The following LAIR1 variants were observed in gnomAD, a reference collection of about 807,000 sequenced individuals.
The protein encoded by LAIR1 is leukocyte associated immunoglobulin like receptor 1, also known as leukocyte-associated immunoglobulin-like receptor 1.
A neutral mutation model predicts 32.8 loss-of-function variants in LAIR1; 24 were observed. The ratio of observed to expected loss-of-function variants is 0.73; its 90% CI spans 0.53 to 1.03. The LOEUF is 1.03. LAIR1 is among the 50% of genes least tolerant of loss of function. The pLI is 0.00. For synonymous variants in LAIR1, 150 were observed against 140.5 expected (o/e 1.07, Z -0.48); for missense variants, 355 against 347.5 (o/e 1.02, Z -0.17).
upstream of LAIR1, among the ~76,000 whole-genome samples, chr19:54,371,782 A>G (rs1288753731): frequency 6.6e-6 from 1 of 151,416 alleles, no homozygotes; most frequent in Non-Finnish European, 1.5e-5. Flanking sequence ...GCGTTTCTCC[A>G]TTTCCACTGG....
rs1350710708 is a variant in LAIR1 at position 54,353,091 on chromosome 19, G to C, written c.*2177C>G. The C allele has an allele frequency of 1.3e-5, 2 of 151,812 alleles. No homozygotes were observed. Among genetic ancestry groups the C allele is most frequent in the Non-Finnish European group, 2.9e-5 (2 of 68,132 alleles). 9.4% of individuals were successfully genotyped at this position (151,812 alleles called of 1,614,324 possible). On this transcript the variant is annotated 3_prime_UTR_variant, in exon 10 of 10. Coordinates refer to ENST00000391742, the MANE Select transcript of LAIR1 (RefSeq NM_002287.6). ...CAGGAGAATCGCTTGAACCCGGGAG[G>C]CAGAGGTTGCAGTGAGCCAAGATTG... is the stretch of plus-strand genomic sequence containing the variant.
chr19:54,364,460 A>G lies in LAIR1; in HGVS notation c.35-130T>C. ...AACGACCAAGCCAACCCTCCTCGACATCACTGTCTCCATGTAATCCTTCTT... is the reference window on the plus strand; with the variant it reads ...AACGACCAAGCCAACCCTCCTCGACGTCACTGTCTCCATGTAATCCTTCTT... On this transcript the variant is annotated intron_variant, in intron 1 of 9. Coordinates refer to ENST00000391742, the MANE Select transcript of LAIR1 (RefSeq NM_002287.6). This position sits in a 1 kb window ranked among gnomAD's most constrained non-coding sequence, Gnocchi z 4.8. 2 of 868,888 alleles carry G rather than the reference A, an allele frequency of 2.3e-6. No homozygotes were observed. The highest frequency in any genetic ancestry group is 1.4e-5 in the South Asian group (1 of 71,560). The allele number at this position is 868,888 out of a possible 1,614,324, so 53.8% of individuals were successfully genotyped here.
Position 54,355,840 on chromosome 19 carries a change from G to T in LAIR1, c.717+114C>A, listed in dbSNP as rs2081672037. 2 of 751,518 alleles carry T rather than the reference G, an allele frequency of 2.7e-6. No individual in the cohort carries two copies. The highest frequency in any genetic ancestry group is 2.0e-5 in the Admixed American group (1 of 51,182). 46.6% of individuals were successfully genotyped at this position (751,518 alleles called of 1,614,324 possible). The stretch of plus-strand genomic sequence containing the variant: ...ACCTCTCGACAGCAACCTCAGGACA[G>T]GCCGTGAGCCGGAACCGCCCAGCTG... On this transcript the variant is annotated intron_variant, in intron 9 of 9. Coordinates refer to ENST00000391742, the MANE Select transcript of LAIR1 (RefSeq NM_002287.6). This position sits in a 1 kb window ranked among gnomAD's most constrained non-coding sequence, Gnocchi z 4.7.
chr19:54,358,315 A>G (rs2081831195), intron 4 of LAIR1: 1 of 155,092 alleles, frequency 6.4e-6, no homozygotes, highest in African/African-American at 2.5e-5. Flanking sequence ...TATAATATAT[A>G]ATATACACTA....
chr19:54,364,589 C>G lies in LAIR1; in HGVS notation c.34+182G>C, dbSNP rs540457364. ...TGACCTCATCCCCACACCCGGGCCC[C>G]TGTTTTTAGGACAAGATCTTCTCTG... On this transcript the variant is annotated intron_variant, in intron 1 of 9. Transcript: ENST00000391742. The surrounding 1 kb of genome is among the most constrained non-coding windows in gnomAD (Gnocchi z 4.8). The G allele has an allele frequency of 7.3e-6, 6 of 816,862 alleles. No individual in the cohort carries two copies. Among genetic ancestry groups the G allele is most frequent in the East Asian group, 2.6e-5 (1 of 38,522 alleles). The allele number at this position is 816,862 out of a possible 1,614,324, so 50.6% of individuals were successfully genotyped here.
At position 54,355,245 on chromosome 19, in the gene LAIR1, G is replaced by A. The variant is rs374608831; in HGVS notation, c.*23C>T. On this transcript the variant is annotated 3_prime_UTR_variant, in exon 10 of 10. Transcript: ENST00000391742. The surrounding 1 kb of genome is among the most constrained non-coding windows in gnomAD (Gnocchi z 4.7). ...CTAGAGTGACTTTCTACCCTCAGGT[G>A]CAGAGGCCAGGTGGGTATGGGGTCA... 1 of 1,559,434 alleles carries A rather than the reference G, an allele frequency of 6.4e-7. No homozygotes were observed. Among genetic ancestry groups the A allele is most frequent in the Non-Finnish European group, 8.7e-7 (1 of 1,150,712 alleles).
chr19:54,357,604 G>GCCCGCCCGTCATCTC, intron 4 of LAIR1: 1 of 153,318 alleles, frequency 6.5e-6, no homozygotes, highest in South Asian at 2.1e-4. Context: ...CGCATTGCAG[G>GCCCGCCCGTCATCTC]CCCGCCCGTC....
intron 8 of LAIR1, 85 bp downstream of exon 8, chr19:54,356,145 T>TGG: frequency 7.1e-7 from 1 of 1,403,890 alleles, no homozygotes; most frequent in Non-Finnish European, 1.0e-6. Context: ...CAAAGATTCT[T>TGG]CCCCCCACCC....
At chr19:54,359,630 G>T (rs1295566447) in intron 4 of LAIR1, among the ~76,000 whole-genome samples, 1 of 152,278 alleles carries the variant, frequency 6.6e-6, no homozygotes, top group Non-Finnish European at 1.5e-5. Flanking sequence ...TGGAGCTCGG[G>T]CGAGCCCGGA....
At chr19:54,369,512 A>G (rs1383704451), upstream of LAIR1, among the ~76,000 whole-genome samples, 1 of 151,354 alleles carries the variant, frequency 6.6e-6, no homozygotes, top group Non-Finnish European at 1.5e-5. Flanking sequence ...CCATATTATG[A>G]GGACCCCTCC....
upstream of LAIR1, chr19:54,368,684 G>GAATTATTT (rs2082327129): frequency 6.6e-6 from 1 of 151,386 alleles, no homozygotes; most frequent in African/African-American, 2.4e-5. Context: ...TTTGTTGACT[G>GAATTATTT]ATTTATTTAT....
upstream of LAIR1, chr19:54,368,759 T>A (rs1233833900): frequency 3.3e-5 from 5 of 152,050 alleles, no homozygotes; most frequent in Admixed American, 6.6e-5. Context: ...GGCTGGAGTG[T>A]AATGGTGCAA....
upstream of LAIR1, among the ~76,000 whole-genome samples, chr19:54,371,071 A>G (rs1037384656): frequency 1.9e-4 from 28 of 151,236 alleles, no homozygotes; most frequent in Non-Finnish European, 4.0e-4. Context: ...AACATGTAAA[A>G]AAAAATCAAC....
At position 54,355,694 on chromosome 19, in the gene LAIR1, G is replaced by A. The variant is rs770673365; in HGVS notation, c.717+260C>T. 1.3e-5 allele frequency among the ~76,000 whole-genome samples: 2 copies of A among 152,160 alleles called. No homozygotes were observed. The highest frequency in any genetic ancestry group is 2.9e-5 in the Non-Finnish European group (2 of 68,016). ...GGATCCCTCCCTCTGGGGGAAGCCG[G>A]CTGTGTGGAGAGGCCCCTGTGAGAG... On this transcript the variant is annotated intron_variant, in intron 9 of 9. Transcript: ENST00000391742. This position sits in a 1 kb window ranked among gnomAD's most constrained non-coding sequence, Gnocchi z 4.7.
At chr19:54,360,741 A>G (rs3745445) in intron 3 of LAIR1, 175 bp downstream of exon 3, 267,634 of 612,782 alleles carry the variant, frequency 0.44, 60,228 homozygotes, top group Admixed American at 0.59. Flanking sequence ...GAACCTAAGC[A>G]GGTGTGAGGG....
intron 2 of LAIR1, among the ~76,000 whole-genome samples, chr19:54,361,872 A>C (rs940842607): frequency 6.6e-6 from 1 of 152,120 alleles, no homozygotes; most frequent in African/African-American, 2.4e-5. Flanking sequence ...CTTCTTATTA[A>C]GGCTCTTGAA....
chr19:54,369,372 C>T (rs1277119426), upstream of LAIR1, among the ~76,000 whole-genome samples: 1 of 151,418 alleles, frequency 6.6e-6, no homozygotes, highest in African/African-American at 2.5e-5. Flanking sequence ...CAAGGATGTG[C>T]TGCCCACTGG....
In LAIR1 at chr19:54,356,351, C is replaced by G; in HGVS notation, c.626+5G>C. On this transcript the variant is annotated splice_donor_5th_base_variant and intron_variant, in intron 7 of 9. Coordinates refer to ENST00000391742, the MANE Select transcript of LAIR1 (RefSeq NM_002287.6). ...AGGTCCAGGAGTCATTCCCAGGGGCCTCACCTCTGCTGTGGCTTCTGCTCC... is the reference window on the plus strand; with the variant it reads ...AGGTCCAGGAGTCATTCCCAGGGGCGTCACCTCTGCTGTGGCTTCTGCTCC... 1 of 1,595,784 alleles carries G rather than the reference C, an allele frequency of 6.3e-7. No homozygotes were observed. Among genetic ancestry groups the G allele is most frequent in the Non-Finnish European group, 8.5e-7 (1 of 1,171,458 alleles).
chr19:54,361,241 C>A, intron 2 of LAIR1, 32 bp from the exon 3 acceptor site: 1 of 1,609,042 alleles, frequency 6.2e-7, no homozygotes, highest in Non-Finnish European at 8.5e-7. Flanking sequence ...ATCTCAGCGT[C>A]CACTGTAGGA....
Sources: gnomAD v4.1 joint callset for allele counts (sites outside exome capture counted in the v4.1 genomes callset) on GRCh38, gnomAD v4.1.1 for gene constraint, Gnocchi (gnomAD v3.1) non-coding constraint, MANE v1.5 for transcripts, NCBI Gene and HGNC (gene_info 2026-07-23, HGNC 2026-07-21) for gene names.